DNAH10: variants seen among roughly 807,000 people sequenced by gnomAD.
The protein encoded by DNAH10 is axonemal beta dynein heavy chain 10.
DNAH10 carries 348 observed loss-of-function variants against 506.6 expected under a neutral mutation model. The ratio of observed to expected loss-of-function variants is 0.69; its 90% CI spans 0.63 to 0.75. The LOEUF is 0.75. DNAH10 is among the 30% of genes least tolerant of loss of function. The probability of loss-of-function intolerance (pLI) is 0.00; values close to 1 mark genes in which losing one functional copy is unlikely to be tolerated. For synonymous variants in DNAH10, 2,059 were observed against 2,198.6 expected (o/e 0.94, Z 1.78); for missense variants, 5,179 against 5,787.1 (o/e 0.89, Z 3.41).
intron 26 of DNAH10, 57 bp from the exon 27 acceptor site, chr12:123,833,056 TG>T: frequency 7.2e-7 from 1 of 1,385,740 alleles, no homozygotes; most frequent in East Asian, 2.5e-5. Flanking sequence ...GTTTTTGGGT[TG>T]GGGCTCGGTC....
chr12:123,870,763 C>T (rs918192497), intron 44 of DNAH10, among the ~76,000 whole-genome samples: 4 of 152,186 alleles, frequency 2.6e-5, no homozygotes, highest in African/African-American at 4.8e-5. Flanking sequence ...GATGCCGTTT[C>T]GCCTCCCCTG....
intron 54 of DNAH10, among the ~76,000 whole-genome samples, chr12:123,897,316 G>T (rs969489980): frequency 6.6e-6 from 1 of 152,190 alleles, no homozygotes; most frequent in Non-Finnish European, 1.5e-5. Flanking sequence ...TGGCATACAA[G>T]AATTCATTTG....
chr12:123,874,091 A>T lies in DNAH10; in HGVS notation c.7938+381A>T, dbSNP rs539521780. Among the ~76,000 whole-genome samples, 12 of 152,072 alleles carry T rather than the reference A, an allele frequency of 7.9e-5. No homozygotes were observed. The South Asian group carries it at 2.3e-3, about 29-fold the overall frequency. ...AGACCCTTCCCAAGAATTCCGCTGG[A>T]CTCTTCAAGGAAGAGAAACTTCAGC... On this transcript the variant is annotated intron_variant, in intron 46 of 78. Coordinates refer to ENST00000673944, the MANE Select transcript of DNAH10 (RefSeq NM_001372106.1).
rs184536393 is a variant in DNAH10 at position 123,813,957 on chromosome 12, C to G, written c.3780+45C>G. On this transcript the variant is annotated intron_variant, in intron 21 of 78. Coordinates refer to ENST00000673944, the MANE Select transcript of DNAH10 (RefSeq NM_001372106.1). ...CTTATTCATTTAACAATTGGATTGACCACTAACGACCCTTTTCAGAAATGC... is the reference window on the plus strand; with the variant it reads ...CTTATTCATTTAACAATTGGATTGAGCACTAACGACCCTTTTCAGAAATGC... 2.7e-6 allele frequency: 4 copies of G among 1,506,846 alleles called. No individual in the cohort carries two copies. In the Admixed American group the frequency reaches 1.0e-4, roughly 39 times the overall value. 93.3% of individuals were successfully genotyped at this position (1,506,846 alleles called of 1,614,324 possible).
intron 65 of DNAH10, among the ~76,000 whole-genome samples, chr12:123,922,546 G>A (rs185125025): frequency 9.9e-5 from 15 of 152,206 alleles, no homozygotes; most frequent in African/African-American, 2.6e-4. Context: ...ATGCACCAGC[G>A]TTTGGTGTAT....
intron 27 of DNAH10, among the ~76,000 whole-genome samples, chr12:123,833,873 T>A (rs1960838785): frequency 6.6e-6 from 1 of 152,226 alleles, no homozygotes; most frequent in Non-Finnish European, 1.5e-5. Context: ...CCTGTCACAC[T>A]GGGAAGTAGC....
At position 123,787,385 on chromosome 12, in the gene DNAH10, ATC is replaced by A. The variant is rs146775974; in HGVS notation, c.1422-403_1422-402del. ...TATGTATCCATATCTATTTATATACATCTCTCTCTCTCTCTCTATCTACCTGC... is the reference window on the plus strand; with the variant it reads ...TATGTATCCATATCTATTTATATACATCTCTCTCTCTCTCTATCTACCTGC... On this transcript the variant is annotated intron_variant, in intron 9 of 78. Coordinates refer to ENST00000673944, the MANE Select transcript of DNAH10 (RefSeq NM_001372106.1). This position sits in a 1 kb window ranked among gnomAD's most constrained non-coding sequence, Gnocchi z 4.6. Among the ~76,000 whole-genome samples, 55 of 149,832 alleles carry A rather than the reference ATC, an allele frequency of 3.7e-4. No homozygotes were observed. The highest frequency in any genetic ancestry group is 5.3e-4 in the Admixed American group (8 of 15,072).
At chr12:123,792,576 T>A (rs1958121666) in intron 11 of DNAH10, among the ~76,000 whole-genome samples, 1 of 151,864 alleles carries the variant, frequency 6.6e-6, no homozygotes, top group Non-Finnish European at 1.5e-5. Flanking sequence ...TCTCTTGCCT[T>A]GGCCTTCTGA....
rs376977584 is a variant in DNAH10, at chr12:123,914,484, G to A, written c.10508G>A (p.Arg3503Gln). The A allele has an allele frequency of 5.6e-6, 9 of 1,613,796 alleles. No homozygotes were observed. The highest frequency in any genetic ancestry group is 6.8e-6 in the Non-Finnish European group (8 of 1,179,898). Residue 3503 changes from arginine (R) to glutamine (Q), a missense_variant, in exon 61 of 79, where the codon CGG becomes CAG. Around this residue, in one of 3 missense-constraint regions of DNAH10, gnomAD observed 4,844 missense variants for 5,430.5 expected, o/e 0.89. Coordinates refer to ENST00000673944, the MANE Select transcript of DNAH10 (RefSeq NM_001372106.1). ...ATTTGGCAAAATGACATCCTGGAGC[G>A]GGAGATCCCCCTGAGCCAGCCTTTC... ...NRIWQNDILE[R>Q]EIPLSQPFRL...
chr12:123,899,203 A>G (rs900071368), intron 56 of DNAH10, among the ~76,000 whole-genome samples: 1 of 152,006 alleles, frequency 6.6e-6, no homozygotes, highest in African/African-American at 2.4e-5. Context: ...AAGCTGTTTC[A>G]AGGTTCTTTC....
intron 29 of DNAH10, 102 bp downstream of exon 29, chr12:123,838,791 A>C: frequency 9.3e-7 from 1 of 1,069,682 alleles, no homozygotes; most frequent in Admixed American, 2.2e-5. Context: ...GAGGGTTAAG[A>C]CTGAAATGCT....
At chr12:123,798,075 T>G in intron 13 of DNAH10, among the ~76,000 whole-genome samples, 1 of 152,266 alleles carries the variant, frequency 6.6e-6, no homozygotes, top group East Asian at 1.9e-4. Flanking sequence ...ATTATTCTTT[T>G]GATTTCTTTT....
chr12:123,814,563 A>G (rs1206002069), intron 21 of DNAH10, among the ~76,000 whole-genome samples: 1 of 151,768 alleles, frequency 6.6e-6, no homozygotes, highest in East Asian at 1.9e-4. Context: ...TATTCATAGC[A>G]ATTTGTTTCT....
chr12:123,851,683 A>G (rs566512008), intron 35 of DNAH10, among the ~76,000 whole-genome samples: 5 of 152,170 alleles, frequency 3.3e-5, no homozygotes, highest in Non-Finnish European at 7.4e-5. Flanking sequence ...CATTCTCTCT[A>G]TGGCGTGTGC....
Position 123,762,604 on chromosome 12 carries a change from C to T in DNAH10, c.214+54C>T. 2 of 1,497,790 alleles carry T rather than the reference C, an allele frequency of 1.3e-6. No individual in the cohort carries two copies. The highest frequency in any genetic ancestry group is 4.3e-5 in the Admixed American group (2 of 46,952). The allele number at this position is 1,497,790 out of a possible 1,614,324, so 92.8% of individuals were successfully genotyped here. A position where few individuals can be genotyped will look rare whatever the true frequency, so the allele number is the denominator to read the frequency against. On this transcript the variant is annotated intron_variant, in intron 1 of 78. Transcript: ENST00000673944. The surrounding 1 kb of genome is among the most constrained non-coding windows in gnomAD (Gnocchi z 5.0). ...CGGGCTTCCCTCCTGCCCGTCCCGG[C>T]CTCTCCGGCGGGCGCCGGGGCTGCT...
intron 13 of DNAH10, 59 bp from the exon 14 acceptor site, chr12:123,799,187 G>GGTGGTAGC: frequency 2.5e-6 from 3 of 1,200,602 alleles, no homozygotes; most frequent in Non-Finnish European, 2.2e-6. Flanking sequence ...TCTGTGTAGA[G>GGTGGTAGC]CGAGATGAAA....
chr12:123,777,531 T>C (rs11835252), intron 5 of DNAH10, among the ~76,000 whole-genome samples: 112,115 of 151,942 alleles, frequency 0.74, 42,022 homozygotes, highest in East Asian at 1. Flanking sequence ...CTGAGCTGCC[T>C]GCACACAAGG....
Position 123,848,796 on chromosome 12 carries a change from C to G in DNAH10, c.6016C>G (p.Arg2006Gly). ...GAWGCFDEFNRIDASVLSVIS... is the reference protein window; with the variant it reads ...GAWGCFDEFNGIDASVLSVIS... ...TTGGGGCTGCTTTGATGAGTTTAATCGAATCGATGCTTCTGTGCTCTCCGT... is the reference window on the plus strand; with the variant it reads ...TTGGGGCTGCTTTGATGAGTTTAATGGAATCGATGCTTCTGTGCTCTCCGT... The change falls in exon 34 of 79, where the codon CGA becomes GGA. Residue 2006 changes from arginine to glycine, a missense_variant. By Grantham distance (125) the Arg-to-Gly change is moderately radical (BLOSUM62 -2). Coordinates refer to ENST00000673944, the MANE Select transcript of DNAH10 (RefSeq NM_001372106.1). 1 of 1,613,852 alleles carries G rather than the reference C, an allele frequency of 6.2e-7. No individual in the cohort carries two copies. The highest frequency in any genetic ancestry group is 8.5e-7 in the Non-Finnish European group (1 of 1,179,854).
In DNAH10 at chr12:123,861,134, G is replaced by A. The variant is rs1188911371; in HGVS notation, c.6872G>A (p.Arg2291Lys). The A allele has an allele frequency of 1.2e-6, 2 of 1,613,906 alleles. No individual in the cohort carries two copies. Among genetic ancestry groups the A allele is most frequent in the Non-Finnish European group, 1.7e-6 (2 of 1,179,870 alleles). ...WTDGVLSNIF[R>K]EINKPTDKKE... The stretch of plus-strand genomic sequence containing the variant: ...GATGGGGTGTTGTCAAACATCTTCA[G>A]GGAAATCAACAAGCCAACAGACAAG... The change falls in exon 39 of 79, where the codon AGG becomes AAG. Residue 2291 changes from arginine (R) to lysine (K), a missense_variant. By Grantham distance (26) the Arg-to-Lys change is conservative. Around this residue, in one of 3 missense-constraint regions of DNAH10, gnomAD observed 4,844 missense variants for 5,430.5 expected, o/e 0.89. Transcript: ENST00000673944.
Sources: allele counts gnomAD v4.1 joint callset (sites outside exome capture counted in the v4.1 genomes callset), GRCh38; gene constraint gnomAD v4.1.1; regional missense constraint gnomAD v4.1.1; non-coding constraint Gnocchi (gnomAD v3.1); transcripts MANE v1.5; gene names NCBI Gene and HGNC (gene_info 2026-07-23, HGNC 2026-07-21).